The following DYNC1I1 variants were observed in gnomAD, a reference collection of about 807,000 sequenced individuals.
The protein encoded by DYNC1I1 is cytoplasmic dynein 1 intermediate chain 1.
DYNC1I1 carries 43 observed loss-of-function variants against 86.6 expected under a neutral mutation model. The observed-to-expected ratio is 0.50, with a 90% CI of 0.39 to 0.64. DYNC1I1 has a LOEUF of 0.64. Among genes scored for constraint, DYNC1I1 ranks in the 30% least tolerant of loss-of-function variants. DYNC1I1 has a pLI of 0.00. For synonymous variants in DYNC1I1, 262 were observed against 283.7 expected (o/e 0.92, Z 0.77); for missense variants, 604 against 788.8 (o/e 0.77, Z 2.81).
At chr7:95,913,201 T>C (rs921046321) in intron 6 of DYNC1I1, among the ~76,000 whole-genome samples, 2 of 152,222 alleles carry the variant, frequency 1.3e-5, no homozygotes, top group Admixed American at 6.5e-5. Flanking sequence ...TGTTTGCATC[T>C]TCATATTCAT....
intron 6 of DYNC1I1, among the ~76,000 whole-genome samples, chr7:95,930,052 C>T (rs1791849285): frequency 6.6e-6 from 1 of 152,206 alleles, no homozygotes; most frequent in Admixed American, 6.5e-5. Context: ...TGATTTCTCA[C>T]TTTTTCAAAG....
At chr7:96,013,197 A>G (rs1256249925) in intron 10 of DYNC1I1, among the ~76,000 whole-genome samples, 1 of 152,154 alleles carries the variant, frequency 6.6e-6, no homozygotes, top group African/African-American at 2.4e-5. Context: ...TGATGGAAGC[A>G]GAATCAGAAG....
At chr7:95,928,676 CCTT>C (rs1304347287) in intron 6 of DYNC1I1, among the ~76,000 whole-genome samples, 4 of 152,150 alleles carry the variant, frequency 2.6e-5, no homozygotes, top group Admixed American at 6.5e-5. Flanking sequence ...TTCTCTGTTG[CCTT>C]TTACCTGAGA....
chr7:95,918,053 G>A (rs1791513629), intron 6 of DYNC1I1, among the ~76,000 whole-genome samples: 1 of 152,192 alleles, frequency 6.6e-6, no homozygotes, highest in African/African-American at 2.4e-5. Context: ...GTCTATTTGA[G>A]TATCTAAAGT....
At position 95,930,787 on chromosome 7, in the gene DYNC1I1, T is replaced by TA. The variant is rs901633676; in HGVS notation, c.491-46717dup. ...ACTACCTTGCAATGTGTTTTTGATG[T>TA]AAAAAAAATATTTAAAAAGGAAACA... On this transcript the variant is annotated intron_variant, in intron 6 of 16. Coordinates refer to ENST00000447467, the MANE Select transcript of DYNC1I1 (RefSeq NM_001135556.2). Among the ~76,000 whole-genome samples the TA allele has an allele frequency of 3.2e-4, 49 of 152,206 alleles. 1 individual carries two copies. Among genetic ancestry groups the TA allele is most frequent in the African/African-American group, 1.0e-3 (42 of 41,516 alleles).
In DYNC1I1 at chr7:95,852,247, T is replaced by A. The variant is rs1789598239; in HGVS notation, c.375-17636T>A. Reference sequence around the variant, plus strand: ...AATTAATTTTTTGATAGATTGTAGATGTCAAGGAATTTATCCATTTCTTTT... The same window carrying A: ...AATTAATTTTTTGATAGATTGTAGAAGTCAAGGAATTTATCCATTTCTTTT... On this transcript the variant is annotated intron_variant, in intron 5 of 16. Transcript: ENST00000447467. Among the ~76,000 whole-genome samples the A allele has an allele frequency of 3.3e-5, 5 of 152,190 alleles. No individual in the cohort carries two copies. The South Asian group carries it at 1.0e-3, about 31-fold the overall frequency.
At chr7:96,040,961 A>G (rs977496560) in intron 14 of DYNC1I1, among the ~76,000 whole-genome samples, 3 of 152,004 alleles carry the variant, frequency 2.0e-5, no homozygotes, top group Non-Finnish European at 4.4e-5. Context: ...ACCTCAAATG[A>G]TCTGCCCGCC....
At chr7:95,967,964 G>A (rs1330981682) in intron 6 of DYNC1I1, among the ~76,000 whole-genome samples, 1 of 152,136 alleles carries the variant, frequency 6.6e-6, no homozygotes, top group Non-Finnish European at 1.5e-5. Context: ...AGCACATATT[G>A]GGGCCAGACC....
At chr7:95,826,270 A>G (rs1482065008) in intron 4 of DYNC1I1, among the ~76,000 whole-genome samples, 3 of 152,248 alleles carry the variant, frequency 2.0e-5, no homozygotes, top group Non-Finnish European at 2.9e-5. Context: ...AGACAAGAGC[A>G]CAGCCAGAGC....
chr7:96,109,249 C>T (rs927724620), intron 16 of DYNC1I1, among the ~76,000 whole-genome samples: 29 of 151,208 alleles, frequency 1.9e-4, no homozygotes, highest in African/African-American at 5.3e-4. Flanking sequence ...TTTTAGGGTA[C>T]GTATACACAA....
At chr7:95,965,357 A>C (rs182962881) in intron 6 of DYNC1I1, among the ~76,000 whole-genome samples, 192 of 152,312 alleles carry the variant, frequency 1.3e-3, no homozygotes, top group African/African-American at 4.4e-3. Flanking sequence ...GTGTGGACAC[A>C]GTTGAAACAG....
At chr7:95,853,169 T>G (rs1181528988) in intron 5 of DYNC1I1, among the ~76,000 whole-genome samples, 1 of 152,214 alleles carries the variant, frequency 6.6e-6, no homozygotes, top group African/African-American at 2.4e-5. Flanking sequence ...ATGGTTTAAA[T>G]GTTTGTCTCC....
chr7:96,109,234 T>C (rs1413810985), intron 16 of DYNC1I1, among the ~76,000 whole-genome samples: 2 of 151,974 alleles, frequency 1.3e-5, no homozygotes, highest in Non-Finnish European at 2.9e-5. Flanking sequence ...TTATTATACT[T>C]TAAGTTTTAG....
intron 16 of DYNC1I1, among the ~76,000 whole-genome samples, chr7:96,097,105 A>C (rs1473255827): frequency 1.3e-5 from 2 of 152,146 alleles, no homozygotes; most frequent in Non-Finnish European, 2.9e-5. Flanking sequence ...TAAAATATAC[A>C]GTTATTTGAA....
At chr7:95,899,119 C>T (rs1467740929) in intron 6 of DYNC1I1, among the ~76,000 whole-genome samples, 1 of 152,070 alleles carries the variant, frequency 6.6e-6, no homozygotes, top group Non-Finnish European at 1.5e-5. Flanking sequence ...TGTTTTGAGA[C>T]TTTGCTTACC....
intron 1 of DYNC1I1, among the ~76,000 whole-genome samples, chr7:95,792,634 C>T (rs1229533134): frequency 1.3e-5 from 2 of 152,206 alleles, no homozygotes; most frequent in Non-Finnish European, 2.9e-5. Context: ...CCTTATGAAG[C>T]CTCCCATACC....
chr7:96,061,712 T>TCACA (rs147547424), intron 14 of DYNC1I1, among the ~76,000 whole-genome samples: 31,000 of 136,566 alleles, frequency 0.23, 3,675 homozygotes, highest in East Asian at 0.3. Context: ...TCTCTCTCTC[T>TCACA]CACACACACA....
intron 14 of DYNC1I1, among the ~76,000 whole-genome samples, chr7:96,043,610 A>G (rs543935407): frequency 2.0e-5 from 3 of 152,288 alleles, no homozygotes; most frequent in Admixed American, 1.3e-4. Context: ...TCTTACATAG[A>G]TCTTGATTCA....
At chr7:95,778,468 C>CT (rs1793902572) in intron 1 of DYNC1I1, among the ~76,000 whole-genome samples, 1 of 152,142 alleles carries the variant, frequency 6.6e-6, no homozygotes, top group Non-Finnish European at 1.5e-5. Flanking sequence ...CAGTCAGGCC[C>CT]ATTGCCTTTT....
Sources: gnomAD v4.1 joint callset for allele counts (sites outside exome capture counted in the v4.1 genomes callset) on GRCh38, gnomAD v4.1.1 for gene constraint, MANE v1.5 for transcripts, NCBI Gene and HGNC (gene_info 2026-07-23, HGNC 2026-07-21) for gene names.